The following CLEC17A variants were observed in gnomAD, a reference collection of about 807,000 sequenced individuals.
The protein encoded by CLEC17A is C-type lectin domain family 17, member A.
A neutral mutation model predicts 61.3 loss-of-function variants in CLEC17A; 37 were observed. The observed-to-expected ratio is 0.60, with a 90% CI of 0.46 to 0.79. The LOEUF (loss-of-function observed/expected upper bound fraction) is 0.79. Ranked by LOEUF, CLEC17A falls within the 30% of genes least tolerant of loss-of-function variation. The probability of loss-of-function intolerance (pLI) is 0.00; values close to 1 mark genes in which losing one functional copy is unlikely to be tolerated. For missense variants in CLEC17A, 418 were observed against 464.7 expected (o/e 0.90, Z 0.92); for synonymous variants, 168 against 164.9 (o/e 1.02, Z -0.14).
Position 14,583,115 on chromosome 19 carries a change from G to A in CLEC17A, c.-46G>A, listed in dbSNP as rs776034263. The A allele has an allele frequency of 7.4e-6, 12 of 1,611,568 alleles. No homozygotes were observed. Among genetic ancestry groups the A allele is most frequent in the Non-Finnish European group, 1.0e-5 (12 of 1,177,860 alleles). ...CTGAGTCGGAGAGACAGGGGGCAGA[G>A]GTTGCCAAGCCCTGGCTGCCACTTG... On this transcript the variant is annotated 5_prime_UTR_variant, in exon 1 of 14. Transcript: ENST00000417570.
chr19:14,597,026 A>G lies in CLEC17A; in HGVS notation c.583+13A>G. Reference sequence around the variant, plus strand: ...ACCCTGATTAAGTGTGAGTAGGGCCAGGAAGGGACATGGGGAGAGATTGGG... The same window carrying G: ...ACCCTGATTAAGTGTGAGTAGGGCCGGGAAGGGACATGGGGAGAGATTGGG... On this transcript the variant is annotated intron_variant, in intron 9 of 13. Transcript: ENST00000417570. The G allele has an allele frequency of 6.2e-7, 1 of 1,610,674 alleles. No individual in the cohort carries two copies. The highest frequency in any genetic ancestry group is 2.2e-5 in the East Asian group (1 of 44,838).
chr19:14,598,039 G>A (rs1316571929), intron 10 of CLEC17A, among the ~76,000 whole-genome samples: 2 of 152,210 alleles, frequency 1.3e-5, no homozygotes, highest in Admixed American at 1.3e-4. Context: ...GACTGCCAAA[G>A]TCTGAATATT....
At chr19:14,606,740 C>A (rs951069286) in intron 12 of CLEC17A, among the ~76,000 whole-genome samples, 79 of 151,910 alleles carry the variant, frequency 5.2e-4, no homozygotes, top group Admixed American at 1.2e-3. Context: ...ACTGTGAACC[C>A]ATTTTACAGG....
intron 2 of CLEC17A, 128 bp downstream of exon 2, chr19:14,583,562 C>A: frequency 1.3e-6 from 2 of 1,524,818 alleles, no homozygotes; most frequent in South Asian, 1.3e-5. Context: ...CACTGTGGAA[C>A]CCACACCCTG....
intron 12 of CLEC17A, among the ~76,000 whole-genome samples, chr19:14,601,466 A>G (rs551815915): frequency 6.6e-6 from 1 of 152,210 alleles, no homozygotes; most frequent in African/African-American, 2.4e-5. Flanking sequence ...AATATGTATC[A>G]TCTGTACTTC....
Position 14,583,191 on chromosome 19 carries a change from C to A in CLEC17A, c.31C>A (p.Pro11Thr). Reference protein sequence around the residue: MHNLYSITGYPDPPGTMEEEE... With the variant: MHNLYSITGYTDPPGTMEEEE... ...TAATCTGTATTCCATCACTGGGTAC[C>A]CGGACCCACCAGGTAAGGCCCCGGC... The change falls in exon 1 of 14, where the codon CCG (proline) becomes ACG (threonine). Residue 11 changes from proline to threonine, a missense_variant. Pro to Thr is a conservative substitution (Grantham distance 38). Coordinates refer to ENST00000417570, the MANE Select transcript of CLEC17A (RefSeq NM_001204118.2). The A allele has an allele frequency of 6.2e-7, 1 of 1,613,962 alleles. No individual in the cohort carries two copies. Among genetic ancestry groups the A allele is most frequent in the Non-Finnish European group, 8.5e-7 (1 of 1,179,894 alleles).
In CLEC17A at chr19:14,587,555, G is replaced by T. The variant is rs1248408975; in HGVS notation, c.122-59G>T. 13 of 1,506,752 alleles carry T rather than the reference G, an allele frequency of 8.6e-6. No individual in the cohort carries two copies. The Middle Eastern group carries it at 6.4e-4, about 74-fold the overall frequency. 93.3% of individuals were successfully genotyped at this position (1,506,752 alleles called of 1,614,324 possible). A position where few individuals can be genotyped will look rare whatever the true frequency, so the allele number is the denominator to read the frequency against. ...TGGGGCAGCTGAGGCAGAGACCAGG[G>T]CTTGAGGGATGGAGGGAGGAGGGAA... On this transcript the variant is annotated intron_variant, in intron 2 of 13. Coordinates refer to ENST00000417570, the MANE Select transcript of CLEC17A (RefSeq NM_001204118.2).
Position 14,607,008 on chromosome 19 carries a change from G to C in CLEC17A, c.910G>C (p.Ala304Pro). ...TTATTTGCAGAATTTTGTGGCCAAG[G>C]CCCATGGCTCTCCACGGGTGTACTG... ...SFAEHNFVAK[A>P]HGSPRVYWLG... Residue 304 changes from alanine (A) to proline (P), a missense_variant, in exon 13 of 14, where the codon GCC becomes CCC. Coordinates refer to ENST00000417570, the MANE Select transcript of CLEC17A (RefSeq NM_001204118.2). 7.7e-7 allele frequency: 1 copy of C among 1,299,722 alleles called. No homozygotes were observed. The highest frequency in any genetic ancestry group is 1.5e-5 in the African/African-American group (1 of 66,054). 80.5% of individuals were successfully genotyped at this position (1,299,722 alleles called of 1,614,324 possible). A position where few individuals can be genotyped will look rare whatever the true frequency, so the allele number is the denominator to read the frequency against.
upstream of CLEC17A, among the ~76,000 whole-genome samples, chr19:14,581,711 G>A (rs2074184468): frequency 6.6e-6 from 1 of 152,126 alleles, no homozygotes; most frequent in Admixed American, 6.6e-5. Context: ...GGAGTGCAAT[G>A]ATGTGATCTC....
chr19:14,605,382 C>T (rs1007474100), intron 12 of CLEC17A, among the ~76,000 whole-genome samples: 1 of 151,782 alleles, frequency 6.6e-6, no homozygotes, highest in African/African-American at 2.4e-5. Flanking sequence ...AGGCATGAGC[C>T]ACCGCGCCCG....
In CLEC17A at chr19:14,587,638, A is replaced by C; in HGVS notation, c.146A>C (p.Asp49Ala). 2 of 1,600,394 alleles carry C rather than the reference A, an allele frequency of 1.2e-6. No homozygotes were observed. The change falls in exon 3 of 14, where the codon GAT (aspartate) becomes GCT (alanine). Residue 49 changes from aspartate (D) to alanine (A), a missense_variant. Transcript: ENST00000417570. The stretch of plus-strand genomic sequence containing the variant: ...GGGACCATGGAGGAGGAGGAGGAGG[A>C]TGATGACTATGAGAACTCAACACCT... ...KPGTMEEEEE[D>A]DDYENSTPPY...
chr19:14,590,542 C>T (rs71334716), intron 3 of CLEC17A, among the ~76,000 whole-genome samples: 53 of 152,202 alleles, frequency 3.5e-4, no homozygotes, highest in Admixed American at 2.2e-3. Context: ...CATGTGCCAC[C>T]GTGCCCGGCT....
chr19:14,589,602 A>G (rs1401956404), intron 3 of CLEC17A, among the ~76,000 whole-genome samples: 1 of 16,394 alleles, frequency 6.1e-5, no homozygotes, highest in Non-Finnish European at 9.5e-5. Context: ...AAAGCCTCAC[A>G]TGTGAAGCTC....
intron 13 of CLEC17A, among the ~76,000 whole-genome samples, chr19:14,608,654 GAC>G (rs1394347401): frequency 1.6e-5 from 2 of 125,460 alleles, no homozygotes; most frequent in Admixed American, 1.7e-4. Flanking sequence ...TTTTTTTTGA[GAC>G]AGAGTCTCAC....
chr19:14,596,935 T>G lies in CLEC17A; in HGVS notation c.505T>G (p.Trp169Gly), dbSNP rs751779668. 6.2e-7 allele frequency: 1 copy of G among 1,607,874 alleles called. No homozygotes were observed. The highest frequency in any genetic ancestry group is 8.5e-7 in the Non-Finnish European group (1 of 1,177,216). ...AGGTCCTGGCTGCTGCCAGAAGAGG[T>G]GGATGGTGTACCTGTGTCTGCTGGT... ...SGGPGCCQKR[W>G]MVYLCLLVVT... The change falls in exon 9 of 14, where the codon TGG becomes GGG. Residue 169 changes from tryptophan to glycine, a missense_variant. Coordinates refer to ENST00000417570, the MANE Select transcript of CLEC17A (RefSeq NM_001204118.2).
Position 14,611,492 on chromosome 19 carries a change from C to T in CLEC17A, c.*1296C>T, listed in dbSNP as rs2075038744. On this transcript the variant is annotated 3_prime_UTR_variant, in exon 14 of 14. Coordinates refer to ENST00000417570, the MANE Select transcript of CLEC17A (RefSeq NM_001204118.2). Reference sequence around the variant, plus strand: ...TCCTGGGCTCGAGTGATCCTCCTGCCTCAGCCTCCCAAGTAGCTGGGACTA... The same window carrying T: ...TCCTGGGCTCGAGTGATCCTCCTGCTTCAGCCTCCCAAGTAGCTGGGACTA... Among the ~76,000 whole-genome samples the T allele has an allele frequency of 6.6e-6, 1 of 150,746 alleles. No homozygotes were observed. Among genetic ancestry groups the T allele is most frequent in the African/African-American group, 2.4e-5 (1 of 41,020 alleles).
chr19:14,606,883 T>C (rs2074891527), intron 12 of CLEC17A, 110 bp from the exon 13 acceptor site: 1 of 392,096 alleles, frequency 2.6e-6, no homozygotes, highest in African/African-American at 2.1e-5. Context: ...GGACGGGTTG[T>C]GGGAGGTGAC....
At chr19:14,592,119 A>G (rs1007741365) in intron 3 of CLEC17A, among the ~76,000 whole-genome samples, 162 bp from the exon 4 acceptor site, 7 of 152,230 alleles carry the variant, frequency 4.6e-5, no homozygotes, top group Non-Finnish European at 8.8e-5. Context: ...GGGTGTCCAG[A>G]CCCACCAGGT....
chr19:14,606,679 CAAA>C (rs576466666), intron 12 of CLEC17A, among the ~76,000 whole-genome samples: 2 of 66,394 alleles, frequency 3.0e-5, no homozygotes, highest in African/African-American at 5.7e-5. Flanking sequence ...GACTCCCTCT[CAAA>C]AAAAAAAAAA....
Sources: gnomAD v4.1 joint callset for allele counts (sites outside exome capture counted in the v4.1 genomes callset) on GRCh38, gnomAD v4.1.1 for gene constraint, MANE v1.5 for transcripts, NCBI Gene and HGNC (gene_info 2026-07-23, HGNC 2026-07-21) for gene names.